MINDY2: variants seen among roughly 807,000 people sequenced by gnomAD.
MINDY2 encodes MINDY lysine 48 deubiquitinase 2.
MINDY2 carries 52 observed loss-of-function variants against 68.2 expected under a neutral mutation model. The observed-to-expected ratio is 0.76, with a 90% CI of 0.61 to 0.96. The LOEUF (loss-of-function observed/expected upper bound fraction) is 0.96, where lower values mean the gene tolerates loss of function less well. Ranked by LOEUF, MINDY2 falls within the 40% of genes least tolerant of loss-of-function variation. MINDY2 has a pLI of 0.00. For missense variants in MINDY2, 881 were observed against 773.4 expected, an observed-to-expected ratio of 1.14 and a Z score of -1.65; for synonymous variants, 372 against 303.0, an observed-to-expected ratio of 1.23 and a Z score of -2.36.
intron 7 of MINDY2, among the ~76,000 whole-genome samples, chr15:58,849,137 G>T (rs1426045937): frequency 1.3e-5 from 2 of 151,946 alleles, no homozygotes; most frequent in Non-Finnish European, 2.9e-5. Flanking sequence ...TTGAACCCAG[G>T]GGGCGGAAGT....
chr15:58,795,974 G>T (rs112297028), intron 2 of MINDY2: 2 of 390,902 alleles, frequency 5.1e-6, no homozygotes, highest in African/African-American at 2.1e-5. Context: ...AAGGAGAAAG[G>T]GTATTGAATA....
At chr15:58,775,608 T>TTCCCAATGATGACTTC in intron 1 of MINDY2, among the ~76,000 whole-genome samples, 1 of 152,134 alleles carries the variant, frequency 6.6e-6, no homozygotes, top group African/African-American at 2.4e-5. Context: ...TAATGTAGCG[T>TTCCCAATGATGACTTC]TCCCAATGAT....
At chr15:58,837,308 C>T (rs1300102174) in intron 6 of MINDY2, among the ~76,000 whole-genome samples, 1 of 151,744 alleles carries the variant, frequency 6.6e-6, no homozygotes, top group Non-Finnish European at 1.5e-5. Context: ...CATGGTGGCT[C>T]ATGTGTGTAA....
At chr15:58,839,131 C>T (rs1317096371) in intron 6 of MINDY2, among the ~76,000 whole-genome samples, 2 of 151,150 alleles carry the variant, frequency 1.3e-5, no homozygotes, top group Admixed American at 6.6e-5. Context: ...TTTGAGTGTG[C>T]GTTAAAATCT....
At chr15:58,811,831 A>G (rs975301944) in intron 4 of MINDY2, among the ~76,000 whole-genome samples, 16 of 152,342 alleles carry the variant, frequency 1.1e-4, no homozygotes, top group African/African-American at 3.1e-4. Flanking sequence ...AAAGGAAAAA[A>G]TAATTCTACT....
Position 58,847,444 on chromosome 15 carries a change from A to G in MINDY2, c.1516A>G (p.Lys506Glu). Residue 506 changes from lysine to glutamate, a missense_variant, in exon 7 of 9, where the codon AAA (lysine) becomes GAA (glutamate). Physicochemically the swap from Lys to Glu is moderately conservative, Grantham distance 56. Coordinates refer to ENST00000559228, the MANE Select transcript of MINDY2 (RefSeq NM_001040450.3). Reference protein sequence around the residue: ...RPPSDPETVYKGQQDQIDQDY... With the variant: ...RPPSDPETVYEGQQDQIDQDY... ...TCCTTCAGATCCTGAAACTGTATAC[A>G]AAGGACAACAAGATCAGATAGATCA... 1.3e-6 allele frequency: 2 copies of G among 1,584,178 alleles called. No individual in the cohort carries two copies. Among genetic ancestry groups the G allele is most frequent in the Non-Finnish European group, 1.7e-6 (2 of 1,158,098 alleles).
In MINDY2 at chr15:58,858,996, A is replaced by G. The variant is rs757706594; in HGVS notation, c.*4386A>G. 6.6e-6 allele frequency: 1 copy of G among 152,162 alleles called. No homozygotes were observed. The highest frequency in any genetic ancestry group is 1.5e-5 in the Non-Finnish European group (1 of 67,978). 9.4% of individuals were successfully genotyped at this position (152,162 alleles called of 1,614,324 possible). ...TGAATAAAGGGCATAGTATAAGCAC[A>G]AAGTATGACTTAATTTATCACAAAT... On this transcript the variant is annotated 3_prime_UTR_variant, in exon 9 of 9. Transcript: ENST00000559228.
At chr15:58,851,153 TA>T (rs1204996397) in intron 7 of MINDY2, among the ~76,000 whole-genome samples, 1 of 151,936 alleles carries the variant, frequency 6.6e-6, no homozygotes, top group African/African-American at 2.4e-5. Context: ...TTTGTGTTTT[TA>T]ATAGAGACGG....
chr15:58,849,141 C>T (rs1458316050), intron 7 of MINDY2, among the ~76,000 whole-genome samples: 2 of 150,792 alleles, frequency 1.3e-5, no homozygotes, highest in Admixed American at 6.6e-5. Flanking sequence ...ACCCAGGGGG[C>T]GGAAGTTGCA....
At chr15:58,773,202 G>T (rs1900556546) in intron 1 of MINDY2, among the ~76,000 whole-genome samples, 1 of 152,050 alleles carries the variant, frequency 6.6e-6, no homozygotes, top group South Asian at 2.1e-4. Context: ...CGTAAGCTCA[G>T]CTACTCTGGA....
At chr15:58,776,353 G>A (rs995624972) in intron 1 of MINDY2, among the ~76,000 whole-genome samples, 1 of 152,064 alleles carries the variant, frequency 6.6e-6, no homozygotes, top group Non-Finnish European at 1.5e-5. Flanking sequence ...CCAGGAGACA[G>A]AGAGAAAACA....
At chr15:58,800,044 C>T (rs961386975) in intron 2 of MINDY2, among the ~76,000 whole-genome samples, 7 of 152,168 alleles carry the variant, frequency 4.6e-5, no homozygotes, top group Middle Eastern at 3.2e-3. Flanking sequence ...AATATAAATA[C>T]GCTATAAAGC....
In MINDY2 at chr15:58,771,954, A is replaced by T; in HGVS notation, c.559A>T (p.Ser187Cys). The T allele has an allele frequency of 6.4e-7, 1 of 1,559,132 alleles. No homozygotes were observed. The highest frequency in any genetic ancestry group is 8.7e-7 in the Non-Finnish European group (1 of 1,154,924). The change falls in exon 1 of 9, where the codon AGT (serine) becomes TGT (cysteine). Residue 187 changes from serine (S) to cysteine (C), a missense_variant. Physicochemically the swap from Ser to Cys is moderately radical, Grantham distance 112. Coordinates refer to ENST00000559228, the MANE Select transcript of MINDY2 (RefSeq NM_001040450.3). ...ESFSNLHSFP[S>C]SCEFNSEEGA... ...GTTCTCTAACCTGCATTCTTTTCCC[A>T]GTAGCTGCGAGTTCAATAGTGAGGA...
At chr15:58,804,110 C>CA (rs1363836434) in intron 3 of MINDY2, among the ~76,000 whole-genome samples, 200 of 134,134 alleles carry the variant, frequency 1.5e-3, no homozygotes, top group Middle Eastern at 3.8e-3. Context: ...GCCGGGGCGA[C>CA]AAAAAAAAAA....
In MINDY2 at chr15:58,851,236, A is replaced by C. The variant is rs954437944; in HGVS notation, c.1543-535A>C. ...CGATCCACCTGCCTTGGCCTCCCAA[A>C]GTGCTGGGATTATAGGCGTGAGCCA... On this transcript the variant is annotated intron_variant, in intron 7 of 8. Transcript: ENST00000559228. 2.6e-5 allele frequency among the ~76,000 whole-genome samples: 4 copies of C among 152,002 alleles called. No homozygotes were observed. The East Asian group carries it at 7.8e-4, about 30-fold the overall frequency.
At chr15:58,849,457 A>T (rs1176210065) in intron 7 of MINDY2, among the ~76,000 whole-genome samples, 2 of 152,106 alleles carry the variant, frequency 1.3e-5, no homozygotes, top group Non-Finnish European at 2.9e-5. Flanking sequence ...GTGAGCCAAG[A>T]TGACGCCACT....
At chr15:58,778,499 C>A in intron 1 of MINDY2, among the ~76,000 whole-genome samples, 1 of 150,108 alleles carries the variant, frequency 6.7e-6, no homozygotes, top group Non-Finnish European at 1.5e-5. Flanking sequence ...ATATTTGATT[C>A]TGTAAAATAA....
intron 1 of MINDY2, among the ~76,000 whole-genome samples, chr15:58,785,987 G>A (rs1402133229): frequency 2.6e-5 from 4 of 152,098 alleles, no homozygotes; most frequent in African/African-American, 9.7e-5. Context: ...ATTTAAAAAT[G>A]TCACAGAGAA....
chr15:58,790,105 T>C (rs1381347623), intron 2 of MINDY2, among the ~76,000 whole-genome samples: 12 of 152,146 alleles, frequency 7.9e-5, no homozygotes, highest in African/African-American at 2.9e-4. Context: ...AAAATATAAT[T>C]CATATCATTT....
Sources: allele counts gnomAD v4.1 joint callset (sites outside exome capture counted in the v4.1 genomes callset), GRCh38; gene constraint gnomAD v4.1.1; transcripts MANE v1.5; gene names NCBI Gene and HGNC (gene_info 2026-07-23, HGNC 2026-07-21).